The following DEFB4B variants were observed in gnomAD, a reference collection of about 807,000 sequenced individuals.
DEFB4B encodes the protein defensin beta 4B.
intron 1 of DEFB4B, among the ~76,000 whole-genome samples, chr8:7,416,402 C>A (rs1480041829): frequency 6.6e-6 from 1 of 151,788 alleles, no homozygotes; most frequent in East Asian, 1.9e-4. Flanking sequence ...TTACAAGCTA[C>A]TGGGCTCCTT....
intron 1 of DEFB4B, among the ~76,000 whole-genome samples, chr8:7,415,859 C>T (rs1216297458): frequency 6.7e-6 from 1 of 148,530 alleles, no homozygotes; most frequent in Non-Finnish European, 1.5e-5. Context: ...ATTGTTCTCA[C>T]AAAACCCAGG....
At chr8:7,415,841 AG>A (rs1563323393) in intron 1 of DEFB4B, among the ~76,000 whole-genome samples, 1 of 148,616 alleles carries the variant, frequency 6.7e-6, no homozygotes, top group Non-Finnish European at 1.5e-5. Context: ...GGTGCCTCTC[AG>A]AACCCCATTG....
chr8:7,415,250 C>T (rs979142608), intron 1 of DEFB4B, among the ~76,000 whole-genome samples, 153 bp from the exon 2 acceptor site: 2 of 147,970 alleles, frequency 1.4e-5, no homozygotes, highest in African/African-American at 2.5e-5. Flanking sequence ...GATAATGAGA[C>T]GCGAGTCAGT....
At chr8:7,416,302 A>T (rs1443357440) in intron 1 of DEFB4B, among the ~76,000 whole-genome samples, 1 of 151,706 alleles carries the variant, frequency 6.6e-6, no homozygotes, top group African/African-American at 2.4e-5. Flanking sequence ...GATAAAATCA[A>T]AATTTCTGCC....
rs372504789 is a variant in DEFB4B, at chr8:7,415,387, T to A, written c.59-290A>T. 6.9e-3 allele frequency among the ~76,000 whole-genome samples: 1,043 copies of A among 150,860 alleles called. 15 individuals carry two copies. Among genetic ancestry groups the A allele is most frequent in the African/African-American group, 0.022 (895 of 40,484 alleles). ...GTGACTGGGGCCTCCAGGTGGGGTC[T>A]GGTAGGAGCTCAGCAACGATCTCTT... On this transcript the variant is annotated intron_variant, in intron 1 of 1. Coordinates refer to ENST00000318157, the MANE Select transcript of DEFB4B (RefSeq NM_001205266.2).
intron 1 of DEFB4B, among the ~76,000 whole-genome samples, 177 bp downstream of exon 1, chr8:7,416,593 A>G (rs1279800095): frequency 6.7e-6 from 1 of 149,236 alleles, no homozygotes; most frequent in Non-Finnish European, 1.5e-5. Context: ...AGACAGAAAA[A>G]AAGAGAGAGA....
chr8:7,416,294 T>A (rs1209378569), intron 1 of DEFB4B, among the ~76,000 whole-genome samples: 1 of 151,696 alleles, frequency 6.6e-6, no homozygotes, highest in Non-Finnish European at 1.5e-5. Context: ...TTTCTTTAGA[T>A]AAAATCAAAA....
At position 7,416,198 on chromosome 8, in the gene DEFB4B, C is replaced by T. The variant is rs555801815; in HGVS notation, c.58+572G>A. ...GCTGCAGTAGTTCTCACAGTATAGGCTGGGCCTTAAGATTATCTGGAATTC... is the reference window on the plus strand; with the variant it reads ...GCTGCAGTAGTTCTCACAGTATAGGTTGGGCCTTAAGATTATCTGGAATTC... On this transcript the variant is annotated intron_variant, in intron 1 of 1. Coordinates refer to ENST00000318157, the MANE Select transcript of DEFB4B (RefSeq NM_001205266.2). 6.3e-4 allele frequency among the ~76,000 whole-genome samples: 95 copies of T among 151,350 alleles called. 1 individual carries two copies. Among genetic ancestry groups the T allele is most frequent in the African/African-American group, 2.3e-3 (93 of 41,080 alleles).
intron 1 of DEFB4B, among the ~76,000 whole-genome samples, chr8:7,415,664 G>A (rs1283212412): frequency 3.6e-5 from 5 of 140,738 alleles, no homozygotes; most frequent in Admixed American, 7.5e-5. Context: ...CTAAGTCCTG[G>A]TTTCAACCTC....
At chr8:7,416,556 C>G (rs1339034711) in intron 1 of DEFB4B, among the ~76,000 whole-genome samples, 3 of 149,948 alleles carry the variant, frequency 2.0e-5, no homozygotes, top group Admixed American at 6.7e-5. Context: ...GAAAGAAAGA[C>G]ATGCTCTAGG....
Position 7,416,482 on chromosome 8 carries a change from A to G in DEFB4B, c.58+288T>C, listed in dbSNP as rs371541638. Among the ~76,000 whole-genome samples the G allele has an allele frequency of 2.5e-3, 376 of 151,644 alleles. 4 individuals are homozygous for G. The East Asian group carries it at 0.036, about 15-fold the overall frequency. On this transcript the variant is annotated intron_variant, in intron 1 of 1. Coordinates refer to ENST00000318157, the MANE Select transcript of DEFB4B (RefSeq NM_001205266.2). ...AACTCCTTTTCTATTGAAGGAAGCA[A>G]TGCTTGGTTCAATTAAATAGGGCAT...
At chr8:7,415,819 C>T (rs370835797) in intron 1 of DEFB4B, among the ~76,000 whole-genome samples, 649 of 146,384 alleles carry the variant, frequency 4.4e-3, no homozygotes, top group South Asian at 0.025. Context: ...TTTTGGAAAA[C>T]ATGAGGTCTC....
In DEFB4B at chr8:7,415,423, C is replaced by T. The variant is rs560435697; in HGVS notation, c.59-326G>A. On this transcript the variant is annotated intron_variant, in intron 1 of 1. Transcript: ENST00000318157. The stretch of plus-strand genomic sequence containing the variant: ...CAGCAACGATCTCTTGTGAATTCAG[C>T]TCCACCACAAGAAGATAATATCAAA... Among the ~76,000 whole-genome samples the T allele has an allele frequency of 2.4e-3, 360 of 151,338 alleles. 12 individuals are homozygous for T. The highest frequency in any genetic ancestry group is 8.5e-3 in the African/African-American group (350 of 40,946).
At chr8:7,415,803 T>G (rs1279615554) in intron 1 of DEFB4B, among the ~76,000 whole-genome samples, 2 of 147,678 alleles carry the variant, frequency 1.4e-5, no homozygotes, top group East Asian at 2.0e-4. Context: ...ATTATACTGT[T>G]CTAGGTTTTG....
intron 1 of DEFB4B, among the ~76,000 whole-genome samples, chr8:7,415,907 G>C (rs1808831380): frequency 1.4e-5 from 2 of 147,660 alleles, no homozygotes; most frequent in African/African-American, 2.5e-5. Flanking sequence ...GATTTCACAA[G>C]ATGATATCTA....
chr8:7,415,628 A>G (rs1388804451), intron 1 of DEFB4B, among the ~76,000 whole-genome samples: 2 of 150,992 alleles, frequency 1.3e-5, no homozygotes, highest in Non-Finnish European at 2.9e-5. Context: ...ATAGAAATAA[A>G]TTTTGTAATG....
intron 1 of DEFB4B, 149 bp downstream of exon 1, chr8:7,416,621 G>A (rs1808881627): frequency 2.4e-6 from 1 of 424,630 alleles, no homozygotes; most frequent in Non-Finnish European, 4.3e-6. Flanking sequence ...AGAGAGAGAA[G>A]CAGGAGAAAA....
rs144804940 is a variant in DEFB4B, at chr8:7,415,389, G to A, written c.59-292C>T. On this transcript the variant is annotated intron_variant, in intron 1 of 1. Coordinates refer to ENST00000318157, the MANE Select transcript of DEFB4B (RefSeq NM_001205266.2). ...GACTGGGGCCTCCAGGTGGGGTCTG[G>A]TAGGAGCTCAGCAACGATCTCTTGT... Among the ~76,000 whole-genome samples the A allele has an allele frequency of 6.8e-3, 1,032 of 150,868 alleles. 15 individuals carry two copies. The highest frequency in any genetic ancestry group is 0.022 in the African/African-American group (883 of 40,482).
intron 1 of DEFB4B, among the ~76,000 whole-genome samples, 184 bp downstream of exon 1, chr8:7,416,586 C>G (rs1270904260): frequency 2.1e-5 from 3 of 142,148 alleles, no homozygotes; most frequent in African/African-American, 5.3e-5. Context: ...AAAAGAAAGA[C>G]AGAAAAAAAG....
Sources: gnomAD v4.1 joint callset for allele counts (sites outside exome capture counted in the v4.1 genomes callset) on GRCh38, gnomAD v4.1.1 for gene constraint, MANE v1.5 for transcripts, NCBI Gene and HGNC (gene_info 2026-07-23, HGNC 2026-07-21) for gene names.